The following RABGAP1L variants were observed in gnomAD, a reference collection of about 807,000 sequenced individuals.
RABGAP1L encodes the protein RAB GTPase activating protein 1 like.
Under a neutral mutation model 137.7 loss-of-function variants are expected in RABGAP1L, and 63 were observed. The ratio of observed to expected loss-of-function variants is 0.46; its 90% CI spans 0.37 to 0.56. RABGAP1L has a LOEUF of 0.56. Ranked by LOEUF, RABGAP1L falls within the 20% of genes least tolerant of loss-of-function variation. RABGAP1L has a pLI of 0.00. For synonymous variants in RABGAP1L, 431 were observed against 433.7 expected, an observed-to-expected ratio of 0.99 and a Z score of 0.08; for missense variants, 1,095 against 1,244.0, an observed-to-expected ratio of 0.88 and a Z score of 1.80.
At chr1:174,454,753 G>C (rs1655851488) in intron 13 of RABGAP1L, among the ~76,000 whole-genome samples, 1 of 151,694 alleles carries the variant, frequency 6.6e-6, no homozygotes, top group Non-Finnish European at 1.5e-5. Flanking sequence ...GTTCCACCTT[G>C]TTAGTCAGGA....
intron 13 of RABGAP1L, among the ~76,000 whole-genome samples, chr1:174,528,373 C>T (rs892273564): frequency 3.3e-5 from 5 of 152,046 alleles, no homozygotes; most frequent in African/African-American, 1.2e-4. Flanking sequence ...CTCCCTTGAG[C>T]ATTTCTTGTA....
At chr1:174,442,867 C>A (rs1458094016) in intron 13 of RABGAP1L, among the ~76,000 whole-genome samples, 2 of 152,032 alleles carry the variant, frequency 1.3e-5, no homozygotes, top group Non-Finnish European at 2.9e-5. Flanking sequence ...TCTTTTCATT[C>A]CTTTTTCCCT....
At chr1:174,804,286 T>TTTTTTGTTTTG (rs1330032461) in intron 18 of RABGAP1L, among the ~76,000 whole-genome samples, 1 of 151,260 alleles carries the variant, frequency 6.6e-6, no homozygotes, top group East Asian at 1.9e-4. Flanking sequence ...TTTTTGTTTT[T>TTTTTTGTTTTG]TTTTTTGAGA....
chr1:174,982,810 A>G (rs1255427366), intron 23 of RABGAP1L, 24 bp from the exon 24 acceptor site: 4 of 1,548,966 alleles, frequency 2.6e-6, no homozygotes, highest in South Asian at 2.4e-5. Flanking sequence ...GTTTTCTAGT[A>G]AAAGACTCTT....
At chr1:174,375,202 A>G (rs1685420812) in intron 12 of RABGAP1L, among the ~76,000 whole-genome samples, 1 of 152,078 alleles carries the variant, frequency 6.6e-6, no homozygotes, top group Admixed American at 6.6e-5. Flanking sequence ...TAGAAAAAAT[A>G]TTATGCTTTT....
intron 13 of RABGAP1L, among the ~76,000 whole-genome samples, chr1:174,615,097 C>A (rs1557902641): frequency 6.6e-6 from 1 of 152,346 alleles, no homozygotes; most frequent in South Asian, 2.1e-4. Flanking sequence ...CATTCTCCAT[C>A]CTGCTTTGTT....
At chr1:174,215,508 A>G (rs1669232950) in intron 1 of RABGAP1L, among the ~76,000 whole-genome samples, 2 of 152,108 alleles carry the variant, frequency 1.3e-5, no homozygotes, top group South Asian at 2.1e-4. Context: ...AAAATGGACA[A>G]TAGATTTGAA....
In RABGAP1L at chr1:174,991,731, G is replaced by A. The variant is rs1672068807; in HGVS notation, c.*1730G>A. 6.7e-6 allele frequency: 1 copy of A among 148,912 alleles called. No individual in the cohort carries two copies. Among genetic ancestry groups the A allele is most frequent in the Non-Finnish European group, 1.5e-5 (1 of 67,590 alleles). The allele number at this position is 148,912 out of a possible 1,614,324, so 9.2% of individuals were successfully genotyped here. On this transcript the variant is annotated 3_prime_UTR_variant, in exon 26 of 26. Coordinates refer to ENST00000681986, the MANE Select transcript of RABGAP1L (RefSeq NM_001366446.1). Reference sequence around the variant, plus strand: ...ACATAACCCAGCATTCCAAGTGTCTGTGTTGGCTTTAACATTCTCTACATG... The same window carrying A: ...ACATAACCCAGCATTCCAAGTGTCTATGTTGGCTTTAACATTCTCTACATG...
chr1:174,727,983 T>G (rs1173479721), intron 17 of RABGAP1L, among the ~76,000 whole-genome samples: 1 of 152,242 alleles, frequency 6.6e-6, no homozygotes, highest in East Asian at 1.9e-4. Context: ...TCTTATTCTT[T>G]ACTCTCAGCA....
Position 174,302,849 on chromosome 1 carries a change from G to A in RABGAP1L, c.1324-2137G>A, listed in dbSNP as rs911943038. On this transcript the variant is annotated intron_variant, in intron 10 of 25. Transcript: ENST00000681986. ...TTTAATCAACTATTAAAGTTAAAAA[G>A]CATAAAAGGAAAATTCCTATTTGAA... Among the ~76,000 whole-genome samples, 104 of 152,168 alleles carry A rather than the reference G, an allele frequency of 6.8e-4. 1 individual carries two copies. The highest frequency in any genetic ancestry group is 2.3e-3 in the African/African-American group (95 of 41,522).
chr1:174,870,865 G>T (rs1192301837), intron 19 of RABGAP1L, among the ~76,000 whole-genome samples: 1 of 151,674 alleles, frequency 6.6e-6, no homozygotes, highest in African/African-American at 2.4e-5. Context: ...AGCCTCCTGA[G>T]TAGCTGGGAC....
At chr1:174,802,504 G>A (rs1688847221) in intron 18 of RABGAP1L, among the ~76,000 whole-genome samples, 1 of 152,208 alleles carries the variant, frequency 6.6e-6, no homozygotes, top group South Asian at 2.1e-4. Flanking sequence ...TTATTTGGGA[G>A]GCTGAGACAG....
rs530246220 is a variant in RABGAP1L, at chr1:174,494,931, C to T, written c.1710+100786C>T. Among the ~76,000 whole-genome samples the T allele has an allele frequency of 6.8e-4, 103 of 152,272 alleles. 1 individual carries two copies. Among genetic ancestry groups the T allele is most frequent in the African/African-American group, 2.3e-3 (95 of 41,546 alleles). On this transcript the variant is annotated intron_variant, in intron 13 of 25. Transcript: ENST00000681986. ...ATAAGTCTTTGCCAAGTCCTGCCTA[C>T]TGAGGGATGCTCAGTTTCTACAGGG...
At chr1:174,869,439 G>A (rs148670453) in intron 19 of RABGAP1L, among the ~76,000 whole-genome samples, 38 of 152,164 alleles carry the variant, frequency 2.5e-4, no homozygotes, top group East Asian at 1.4e-3. Flanking sequence ...CTCTCCTGCC[G>A]CCATGTGAAG....
At chr1:174,491,176 T>C (rs964542212) in intron 13 of RABGAP1L, among the ~76,000 whole-genome samples, 2 of 152,114 alleles carry the variant, frequency 1.3e-5, no homozygotes, top group Non-Finnish European at 2.9e-5. Flanking sequence ...GGGAAAGTGC[T>C]GTGTCTCACC....
At chr1:174,928,000 A>G (rs887844654) in intron 19 of RABGAP1L, among the ~76,000 whole-genome samples, 22 of 152,148 alleles carry the variant, frequency 1.4e-4, no homozygotes, top group African/African-American at 5.3e-4. Context: ...CCTTTGATTA[A>G]AATCTTTCAG....
At chr1:174,876,704 A>G (rs1653164013) in intron 19 of RABGAP1L, among the ~76,000 whole-genome samples, 1 of 152,198 alleles carries the variant, frequency 6.6e-6, no homozygotes, top group African/African-American at 2.4e-5. Context: ...TATCTATGGG[A>G]GCAAAACAAC....
chr1:174,290,806 G>A (rs1231823607), intron 10 of RABGAP1L, among the ~76,000 whole-genome samples: 1 of 150,144 alleles, frequency 6.7e-6, no homozygotes, highest in African/African-American at 2.5e-5. Context: ...CTGTTGCCCA[G>A]GCTGAAGTGC....
At chr1:174,585,989 G>T (rs1669082959) in intron 13 of RABGAP1L, among the ~76,000 whole-genome samples, 1 of 152,034 alleles carries the variant, frequency 6.6e-6, no homozygotes, top group Admixed American at 6.6e-5. Context: ...ATTTAGAAAT[G>T]GAAATTCCAT....
Sources: gnomAD v4.1 joint callset for allele counts (sites outside exome capture counted in the v4.1 genomes callset) on GRCh38, gnomAD v4.1.1 for gene constraint, MANE v1.5 for transcripts, NCBI Gene and HGNC (gene_info 2026-07-23, HGNC 2026-07-21) for gene names.